ADCY2: variants seen among roughly 807,000 people sequenced by gnomAD.
ADCY2 encodes the protein adenylate cyclase type 2.
In ADCY2, 31 loss-of-function variants were observed where a neutral mutation model predicts 125.2. That is an observed-to-expected ratio of 0.25 (90% confidence interval 0.19 to 0.33). The LOEUF (loss-of-function observed/expected upper bound fraction) is 0.33. Among genes scored for constraint, ADCY2 ranks in the 10% least tolerant of loss-of-function variants. The pLI is 1.00. For missense variants in ADCY2, 904 were observed against 1,418.2 expected (o/e 0.64, Z 5.82); for synonymous variants, 512 against 548.4 (o/e 0.93, Z 0.93).
chr5:7,634,083 A>G lies in ADCY2; in HGVS notation c.720+7767A>G, dbSNP rs564097869. Among the ~76,000 whole-genome samples the G allele has an allele frequency of 2.0e-4, 31 of 152,352 alleles. 1 individual carries two copies. The highest frequency in any genetic ancestry group is 3.4e-4 in the Non-Finnish European group (23 of 68,020). On this transcript the variant is annotated intron_variant, in intron 4 of 24. Transcript: ENST00000338316. ...ATTGCCATCATATTTTTCTTCCTGC[A>G]AATGTAATCACAGATAGGCCACTAT...
chr5:7,717,633 G>C (rs189977031), intron 12 of ADCY2, among the ~76,000 whole-genome samples: 1 of 152,280 alleles, frequency 6.6e-6, no homozygotes, highest in East Asian at 1.9e-4. Flanking sequence ...AGATACCTGT[G>C]TTCTAAATCC....
chr5:7,804,348 C>G (rs1019122522), intron 21 of ADCY2, among the ~76,000 whole-genome samples: 12 of 152,172 alleles, frequency 7.9e-5, no homozygotes, highest in African/African-American at 2.9e-4. Context: ...AGTTTGAACG[C>G]TAATTCGTGT....
chr5:7,613,197 A>G (rs769928510), intron 3 of ADCY2, among the ~76,000 whole-genome samples: 6 of 152,132 alleles, frequency 3.9e-5, no homozygotes, highest in Non-Finnish European at 8.8e-5. Flanking sequence ...CTGTTAACTC[A>G]TAAGCTGAGC....
At chr5:7,544,784 G>T (rs1180099179) in intron 3 of ADCY2, among the ~76,000 whole-genome samples, 2 of 152,210 alleles carry the variant, frequency 1.3e-5, no homozygotes, top group African/African-American at 4.8e-5. Context: ...GAGTGGGAGA[G>T]AGTTTCCAGG....
chr5:7,454,139 T>C (rs925377927), intron 2 of ADCY2, among the ~76,000 whole-genome samples: 1 of 152,190 alleles, frequency 6.6e-6, no homozygotes, highest in Non-Finnish European at 1.5e-5. Flanking sequence ...TGTTCATGTC[T>C]GACCAGCTGT....
intron 4 of ADCY2, among the ~76,000 whole-genome samples, chr5:7,642,236 A>G (rs1738736796): frequency 6.6e-6 from 1 of 152,092 alleles, no homozygotes; most frequent in Admixed American, 6.6e-5. Flanking sequence ...GTGAAATGGT[A>G]TGTCATTGTG....
At chr5:7,689,772 G>C (rs1561168598) in intron 4 of ADCY2, among the ~76,000 whole-genome samples, 3 of 152,104 alleles carry the variant, frequency 2.0e-5, no homozygotes, top group Non-Finnish European at 1.5e-5. Flanking sequence ...GATAGATAAA[G>C]TGTTTCATTG....
chr5:7,696,068 T>C (rs970275029), intron 6 of ADCY2, among the ~76,000 whole-genome samples: 2 of 152,250 alleles, frequency 1.3e-5, no homozygotes, highest in Admixed American at 1.3e-4. Context: ...CATATCATTA[T>C]CACGTTTTTA....
intron 6 of ADCY2, among the ~76,000 whole-genome samples, chr5:7,696,548 G>C (rs1193312294): frequency 6.6e-6 from 1 of 152,144 alleles, no homozygotes; most frequent in Non-Finnish European, 1.5e-5. Context: ...TGCAAGCCCT[G>C]TACTTCTCAT....
At chr5:7,676,191 A>T (rs903326994) in intron 4 of ADCY2, among the ~76,000 whole-genome samples, 1 of 152,196 alleles carries the variant, frequency 6.6e-6, no homozygotes, top group East Asian at 1.9e-4. Context: ...CTGAATTGAG[A>T]GTTTTGAACA....
In ADCY2 at chr5:7,776,371, C is replaced by T. The variant is rs767693007; in HGVS notation, c.2384+3270C>T. On this transcript the variant is annotated intron_variant, in intron 18 of 24. Transcript: ENST00000338316. ...TGAAGTCACGGCATTTTGTCCCATCCGTTTGGTGACCTGTCTCTGGGCGCC... is the reference window on the plus strand; with the variant it reads ...TGAAGTCACGGCATTTTGTCCCATCTGTTTGGTGACCTGTCTCTGGGCGCC... Among the ~76,000 whole-genome samples the T allele has an allele frequency of 3.9e-5, 6 of 152,056 alleles. 1 individual carries two copies. The highest frequency in any genetic ancestry group is 7.4e-5 in the Non-Finnish European group (5 of 68,014).
intron 6 of ADCY2, among the ~76,000 whole-genome samples, chr5:7,696,089 A>G (rs1740882677): frequency 6.6e-6 from 1 of 152,190 alleles, no homozygotes; most frequent in Non-Finnish European, 1.5e-5. Flanking sequence ...TCTATTTTAA[A>G]ACTTCCCCCT....
intron 3 of ADCY2, among the ~76,000 whole-genome samples, chr5:7,521,980 T>C (rs1203895986): frequency 2.0e-5 from 3 of 152,150 alleles, no homozygotes; most frequent in Middle Eastern, 3.2e-3. Context: ...GTTTGGATAT[T>C]ACTAAGAAGC....
chr5:7,636,734 T>C (rs1738518211), intron 4 of ADCY2, among the ~76,000 whole-genome samples: 1 of 152,214 alleles, frequency 6.6e-6, no homozygotes, highest in Non-Finnish European at 1.5e-5. Context: ...AGTGGGATAG[T>C]GGCCAACATA....
chr5:7,804,743 C>A, intron 22 of ADCY2, 51 bp downstream of exon 22: 1 of 1,409,850 alleles, frequency 7.1e-7, no homozygotes, highest in Non-Finnish European at 1.0e-6. Flanking sequence ...ACCCCATCCA[C>A]AAACCACCCT....
Position 7,464,251 on chromosome 5 carries a change from G to A in ADCY2, c.408+49481G>A, listed in dbSNP as rs145421320. Among the ~76,000 whole-genome samples, 413 of 152,222 alleles carry A rather than the reference G, an allele frequency of 2.7e-3. 1 individual carries two copies. Among genetic ancestry groups the A allele is most frequent in the South Asian group, 0.015 (73 of 4,816 alleles). The stretch of plus-strand genomic sequence containing the variant: ...CCAGCACTCTCTCTCTCGGAGCTCT[G>A]CGCTGCTGTGTAAGTTGTCTGACTA... On this transcript the variant is annotated intron_variant, in intron 2 of 24. Transcript: ENST00000338316.
At chr5:7,779,872 A>G (rs763348455) in intron 18 of ADCY2, among the ~76,000 whole-genome samples, 2 of 152,222 alleles carry the variant, frequency 1.3e-5, no homozygotes, top group African/African-American at 2.4e-5. Context: ...CCAAGCCAAC[A>G]CAGTCATTTG....
intron 3 of ADCY2, among the ~76,000 whole-genome samples, chr5:7,621,211 A>C (rs1157872176): frequency 6.6e-6 from 1 of 152,154 alleles, no homozygotes; most frequent in African/African-American, 2.4e-5. Flanking sequence ...CATGACCTGG[A>C]TGAGAGCAGC....
chr5:7,659,754 T>C (rs747289910), intron 4 of ADCY2, among the ~76,000 whole-genome samples: 1 of 152,198 alleles, frequency 6.6e-6, no homozygotes, highest in South Asian at 2.1e-4. Context: ...CTAGGAGTAG[T>C]TGGAAAACTC....
Sources: gnomAD v4.1 joint callset for allele counts (sites outside exome capture counted in the v4.1 genomes callset) on GRCh38, gnomAD v4.1.1 for gene constraint, MANE v1.5 for transcripts, NCBI Gene and HGNC (gene_info 2026-07-23, HGNC 2026-07-21) for gene names.